AFF3: variants seen among roughly 807,000 people sequenced by gnomAD.
AFF3 encodes the protein ALF transcription elongation factor 3.
In AFF3, 32 loss-of-function variants were observed where a neutral mutation model predicts 129.7. The ratio of observed to expected loss-of-function variants is 0.25; its 90% confidence interval spans 0.19 to 0.33. The LOEUF (loss-of-function observed/expected upper bound fraction) is 0.33. Ranked by LOEUF, AFF3 falls within the 10% of genes least tolerant of loss-of-function variation. The pLI is 1.00. For missense variants in AFF3, 1,373 were observed against 1,592.0 expected (o/e 0.86, Z 2.34); for synonymous variants, 644 against 635.4 (o/e 1.01, Z -0.20).
At chr2:99,701,821 C>A (rs995683779) in intron 11 of AFF3, among the ~76,000 whole-genome samples, 3 of 152,244 alleles carry the variant, frequency 2.0e-5, no homozygotes, top group Non-Finnish European at 2.9e-5. Context: ...ATAGCCACCC[C>A]TCAACCCCAA....
At position 100,133,140 on chromosome 2, in the gene AFF3, C is replaced by T. The variant is rs535421176; in HGVS notation, c.-227-3834G>A. 3.3e-5 allele frequency among the ~76,000 whole-genome samples: 5 copies of T among 151,776 alleles called. No individual in the cohort carries two copies. The East Asian group carries it at 9.8e-4, about 30-fold the overall frequency. On this transcript the variant is annotated intron_variant, in intron 1 of 24. Coordinates refer to ENST00000672756, the MANE Select transcript of AFF3 (RefSeq NM_001386135.1). ...TGCTGTCTGGGTGCGGTGGCTCACACCTGTAATCTCAGCACTTTAGGAGGT... is the reference window on the plus strand; with the variant it reads ...TGCTGTCTGGGTGCGGTGGCTCACATCTGTAATCTCAGCACTTTAGGAGGT...
intron 7 of AFF3, among the ~76,000 whole-genome samples, chr2:99,937,773 G>C (rs964857545): frequency 3.3e-5 from 5 of 152,212 alleles, no homozygotes; most frequent in Non-Finnish European, 5.9e-5. Flanking sequence ...GGTATGTCTA[G>C]TGACAACTGG....
At chr2:99,961,397 C>T (rs747018115) in intron 7 of AFF3, among the ~76,000 whole-genome samples, 6 of 152,206 alleles carry the variant, frequency 3.9e-5, no homozygotes, top group Admixed American at 1.3e-4. Flanking sequence ...TCGGGGGCCC[C>T]GGTGTTTCTT....
At chr2:99,605,900 C>G (rs1410921720) in intron 13 of AFF3, among the ~76,000 whole-genome samples, 3 of 151,708 alleles carry the variant, frequency 2.0e-5, no homozygotes, top group Non-Finnish European at 2.9e-5. Flanking sequence ...GTTGTCTAGG[C>G]TAGTCTTGAA....
chr2:99,989,581 G>A (rs888998564), intron 7 of AFF3, among the ~76,000 whole-genome samples: 4 of 152,098 alleles, frequency 2.6e-5, no homozygotes, highest in African/African-American at 9.7e-5. Context: ...TACACCTGAA[G>A]GCCAGAGCAA....
chr2:100,122,543 A>G (rs1300327432), intron 2 of AFF3, among the ~76,000 whole-genome samples: 1 of 152,226 alleles, frequency 6.6e-6, no homozygotes, highest in Non-Finnish European at 1.5e-5. Flanking sequence ...AGTGAAGACT[A>G]TAATAATAAG....
chr2:99,867,672 T>A (rs1049548815), intron 7 of AFF3, among the ~76,000 whole-genome samples: 1 of 152,076 alleles, frequency 6.6e-6, no homozygotes, highest in Non-Finnish European at 1.5e-5. Flanking sequence ...GTTCGGAATG[T>A]TCCTTGCTAA....
intron 16 of AFF3, 93 bp downstream of exon 16, chr2:99,587,061 C>T: frequency 6.5e-7 from 1 of 1,548,060 alleles, no homozygotes; most frequent in Non-Finnish European, 8.8e-7. Context: ...CAGAGTAGTC[C>T]TCAAAAAGCC....
intron 13 of AFF3, among the ~76,000 whole-genome samples, chr2:99,602,724 G>A (rs947565143): frequency 6.6e-6 from 1 of 152,220 alleles, no homozygotes; most frequent in African/African-American, 2.4e-5. Context: ...AAGGCCAGGG[G>A]CCAGGGAGCT....
chr2:100,041,299 C>A (rs1051084820), intron 4 of AFF3, among the ~76,000 whole-genome samples: 1 of 152,196 alleles, frequency 6.6e-6, no homozygotes, highest in African/African-American at 2.4e-5. Flanking sequence ...TATGCAGGGG[C>A]CCAGTGAATG....
chr2:100,133,282 A>G (rs11680485), intron 1 of AFF3, among the ~76,000 whole-genome samples: 31,437 of 151,778 alleles, frequency 0.21, 4,001 homozygotes, highest in East Asian at 0.56. Context: ...AAAATAAAAT[A>G]TGAGAAGTAA....
intron 7 of AFF3, among the ~76,000 whole-genome samples, chr2:99,946,103 G>A (rs1177278162): frequency 1.3e-5 from 2 of 152,086 alleles, no homozygotes; most frequent in African/African-American, 4.8e-5. Flanking sequence ...CCTCCCCTGG[G>A]TTCTACCAGA....
intron 2 of AFF3, chr2:100,106,289 T>C: frequency 8.5e-7 from 1 of 1,173,104 alleles, no homozygotes; most frequent in Non-Finnish European, 1.1e-6. Context: ...AGCTGATAAC[T>C]CTCAGCCCTC....
intron 2 of AFF3, among the ~76,000 whole-genome samples, chr2:100,125,850 G>A (rs1183557948): frequency 1.3e-5 from 2 of 152,042 alleles, no homozygotes; most frequent in African/African-American, 4.8e-5. Context: ...GACAGGCTCC[G>A]CGTGAGCCTG....
chr2:99,607,048 T>C (rs971001491), intron 13 of AFF3, among the ~76,000 whole-genome samples: 1 of 151,420 alleles, frequency 6.6e-6, no homozygotes, highest in South Asian at 2.1e-4. Context: ...TCTTGGATGG[T>C]TTGTTTACTT....
At chr2:99,718,274 C>G (rs1678564030) in intron 11 of AFF3, among the ~76,000 whole-genome samples, 1 of 152,194 alleles carries the variant, frequency 6.6e-6, no homozygotes, top group South Asian at 2.1e-4. Flanking sequence ...GATGTCAACA[C>G]TATCAAGTTT....
intron 11 of AFF3, among the ~76,000 whole-genome samples, chr2:99,685,424 T>C (rs1234211410): frequency 6.6e-6 from 1 of 152,204 alleles, no homozygotes; most frequent in Non-Finnish European, 1.5e-5. Flanking sequence ...ATGTGTCAAA[T>C]AATCCATGTA....
intron 7 of AFF3, among the ~76,000 whole-genome samples, chr2:99,892,110 C>T (rs1215863207): frequency 2.0e-5 from 3 of 152,116 alleles, no homozygotes; most frequent in Admixed American, 1.3e-4. Context: ...GCATGAGCCA[C>T]CACACCCGGC....
intron 8 of AFF3, among the ~76,000 whole-genome samples, chr2:99,754,149 T>G (rs1575875796): frequency 6.6e-6 from 1 of 152,328 alleles, no homozygotes; most frequent in East Asian, 1.9e-4. Context: ...GTTTCTGATT[T>G]TATCCTTCCA....
Sources: gnomAD v4.1 joint callset for allele counts (sites outside exome capture counted in the v4.1 genomes callset) on GRCh38, gnomAD v4.1.1 for gene constraint, MANE v1.5 for transcripts, NCBI Gene and HGNC (gene_info 2026-07-23, HGNC 2026-07-21) for gene names.